The following YEATS4 variants were observed in gnomAD, a reference collection of about 807,000 sequenced individuals.
YEATS4 encodes YEATS domain containing 4, also known as YEATS domain-containing protein 4.
A neutral mutation model predicts 30.1 loss-of-function variants in YEATS4; 17 were observed. The ratio of observed to expected loss-of-function variants is 0.56; its 90% CI spans 0.39 to 0.85. The LOEUF is 0.85. Among genes scored for constraint, YEATS4 ranks in the 40% least tolerant of loss-of-function variants. The pLI is 0.00. For missense variants in YEATS4, 142 were observed against 268.3 expected (o/e 0.53, Z 3.29); for synonymous variants, 85 against 87.5 (o/e 0.97, Z 0.16).
intron 6 of YEATS4, among the ~76,000 whole-genome samples, chr12:69,379,583 ATTTTTTTTTTTTTTTTTTTTTTTTT>A (rs61048163): frequency 6.9e-5 from 5 of 72,268 alleles, no homozygotes; most frequent in Admixed American, 1.9e-4. Flanking sequence ...TGCCCAGCTA[ATTTTTTTTTTTTTTTTTTTTTTTTT>A]TTTTTTTTTT....
chr12:69,405,160 A>G, the YEATS4 span, among the ~76,000 whole-genome samples: 2 of 152,212 alleles, frequency 1.3e-5, no homozygotes, highest in Non-Finnish European at 2.9e-5. Flanking sequence ...AAACTTTTGT[A>G]ATTGATTCCT....
the YEATS4 span, among the ~76,000 whole-genome samples, chr12:69,414,988 T>C: frequency 1.3e-5 from 2 of 152,322 alleles, no homozygotes. Context: ...GACAAAAATC[T>C]GAGAAATGCT....
downstream of YEATS4, among the ~76,000 whole-genome samples, chr12:69,392,780 T>G (rs987396235): frequency 1.3e-5 from 2 of 152,226 alleles, no homozygotes; most frequent in Non-Finnish European, 2.9e-5. Flanking sequence ...ATGAGTAATC[T>G]GCTATGGGCT....
chr12:69,389,432 A>G (rs1868289817), intron 6 of YEATS4, among the ~76,000 whole-genome samples: 2 of 146,170 alleles, frequency 1.4e-5, no homozygotes, highest in African/African-American at 2.6e-5. Flanking sequence ...CCTGGGCGAC[A>G]AGAGCGAGAC....
chr12:69,383,451 G>A (rs1489113097), intron 6 of YEATS4, among the ~76,000 whole-genome samples: 1 of 152,194 alleles, frequency 6.6e-6, no homozygotes, highest in Non-Finnish European at 1.5e-5. Context: ...AGGAGTAAGT[G>A]AAGATAGAAA....
chr12:69,426,688 A>G, the YEATS4 span, among the ~76,000 whole-genome samples: 3 of 152,234 alleles, frequency 2.0e-5, no homozygotes, highest in Non-Finnish European at 4.4e-5. Context: ...TCCTTTAAAC[A>G]TAGGTAACCA....
At chr12:69,415,587 C>T in the YEATS4 span, among the ~76,000 whole-genome samples, 2 of 152,094 alleles carry the variant, frequency 1.3e-5, no homozygotes, top group Non-Finnish European at 2.9e-5. Flanking sequence ...GTATTTGGAG[C>T]AAGCAATGGA....
chr12:69,405,395 T>C, the YEATS4 span, among the ~76,000 whole-genome samples: 1 of 152,232 alleles, frequency 6.6e-6, no homozygotes, highest in Non-Finnish European at 1.5e-5. Flanking sequence ...ATTTCATGGA[T>C]AGATGATTCA....
chr12:69,375,611 A>C (rs1310225937), intron 6 of YEATS4, among the ~76,000 whole-genome samples: 2 of 152,188 alleles, frequency 1.3e-5, no homozygotes, highest in Non-Finnish European at 1.5e-5. Flanking sequence ...AGCCTGGGCA[A>C]CATTGAGCAC....
chr12:69,401,577 T>A, the YEATS4 span, among the ~76,000 whole-genome samples: 1 of 152,228 alleles, frequency 6.6e-6, no homozygotes. Context: ...GATGGCAATC[T>A]ATGCTTCCTT....
rs1868301369 is a variant in YEATS4, at chr12:69,390,246, G to A, written c.614G>A (p.Arg205His). Reference sequence around the variant, plus strand: ...CTTAAGGAGAGATTAAAAGCAAGTCGTGAAACTATAAATTGTTTAAAAAAT... The same window carrying A: ...CTTAAGGAGAGATTAAAAGCAAGTCATGAAACTATAAATTGTTTAAAAAAT... ...AELKERLKASRETINCLKNEI... is the reference protein window; with the variant it reads ...AELKERLKASHETINCLKNEI... The change falls in exon 7 of 7, where the codon CGT (arginine) becomes CAT (histidine). Residue 205 changes from arginine (R) to histidine (H), a missense_variant. Transcript: ENST00000247843. The A allele has an allele frequency of 8.7e-6, 14 of 1,601,854 alleles. No individual in the cohort carries two copies. Among genetic ancestry groups the A allele is most frequent in the Non-Finnish European group, 1.0e-5 (12 of 1,176,996 alleles).
chr12:69,391,376 A>C (rs1209767662), downstream of YEATS4, among the ~76,000 whole-genome samples: 6 of 151,982 alleles, frequency 3.9e-5, no homozygotes, highest in Admixed American at 3.9e-4. Flanking sequence ...CACTACTCCT[A>C]CCCTCTCCTC....
intron 4 of YEATS4, among the ~76,000 whole-genome samples, chr12:69,368,500 A>G (rs1875523558): frequency 1.3e-5 from 2 of 152,232 alleles, no homozygotes. Flanking sequence ...ACAGTTTTAC[A>G]ATGTAATTGT....
At chr12:69,410,724 C>T in the YEATS4 span, among the ~76,000 whole-genome samples, 12 of 152,244 alleles carry the variant, frequency 7.9e-5, no homozygotes, top group East Asian at 1.2e-3. Context: ...AGAAACCTTC[C>T]GTGGTGAGAC....
At chr12:69,363,786 A>G (rs1182868745) in intron 2 of YEATS4, among the ~76,000 whole-genome samples, 1 of 152,224 alleles carries the variant, frequency 6.6e-6, no homozygotes, top group Non-Finnish European at 1.5e-5. Flanking sequence ...ATAATAGCCA[A>G]AAAGTGGAAA....
chr12:69,378,768 A>G (rs758692844), intron 6 of YEATS4, among the ~76,000 whole-genome samples: 32 of 152,282 alleles, frequency 2.1e-4, no homozygotes, highest in Middle Eastern at 6.8e-3. Context: ...TGATCGGTTC[A>G]TCTTTTCATA....
the YEATS4 span, among the ~76,000 whole-genome samples, chr12:69,407,140 C>CT: frequency 1.0e-2 from 1,421 of 142,450 alleles, 15 homozygotes; most frequent in African/African-American, 0.03. Context: ...TTTATACATT[C>CT]TTTTTTTTTT....
intron 4 of YEATS4, among the ~76,000 whole-genome samples, chr12:69,368,204 T>C (rs1875508966): frequency 2.0e-5 from 3 of 152,228 alleles, no homozygotes. Context: ...TTAAAATATC[T>C]AAGAAAGACA....
Position 69,359,985 on chromosome 12 carries a change from A to G in YEATS4, c.13A>G (p.Met5Val). The change falls in exon 1 of 7, where the codon ATG becomes GTG. Residue 5 changes from methionine (M) to valine (V), a missense_variant. Transcript: ENST00000247843. MFKR[M>V]AEFGPDSGGR... is the part of the protein sequence containing the mutation. ...TCCGTGGGACAATATGTTCAAGAGA[A>G]TGGCCGAATTTGGGCCTGACTCCGG... 9 of 1,613,556 alleles carry G rather than the reference A, an allele frequency of 5.6e-6. No homozygotes were observed. Among genetic ancestry groups the G allele is most frequent in the Non-Finnish European group, 7.6e-6 (9 of 1,179,736 alleles).
Sources: allele counts gnomAD v4.1 joint callset (sites outside exome capture counted in the v4.1 genomes callset), GRCh38; gene constraint gnomAD v4.1.1; transcripts MANE v1.5; gene names NCBI Gene and HGNC (gene_info 2026-07-23, HGNC 2026-07-21).